The following ADD2 variants were observed in gnomAD, a reference collection of about 807,000 sequenced individuals.
ADD2 encodes the protein adducin 2, also known as beta-adducin.
Under a neutral mutation model 83.0 loss-of-function variants are expected in ADD2, and 23 were observed. The ratio of observed to expected loss-of-function variants is 0.28; its 90% CI spans 0.20 to 0.39. The LOEUF (loss-of-function observed/expected upper bound fraction) is 0.39, where lower values mean the gene tolerates loss of function less well. ADD2 is among the 10% of genes least tolerant of loss of function. ADD2 has a pLI of 1.00. For missense variants in ADD2, 758 were observed against 944.9 expected, an observed-to-expected ratio of 0.80 and a Z score of 2.59; for synonymous variants, 375 against 375.4, an observed-to-expected ratio of 1.00 and a Z score of 0.01.
At chr2:70,754,499 A>G (rs555134593) in intron 1 of ADD2, among the ~76,000 whole-genome samples, 7 of 152,012 alleles carry the variant, frequency 4.6e-5, no homozygotes, top group Non-Finnish European at 1.0e-4. Flanking sequence ...TTGGAAGCAC[A>G]GTCTTCCAAC....
At chr2:70,749,037 T>C (rs1674377161) in intron 1 of ADD2, among the ~76,000 whole-genome samples, 1 of 152,182 alleles carries the variant, frequency 6.6e-6, no homozygotes, top group Non-Finnish European at 1.5e-5. Flanking sequence ...TACCTGAGAC[T>C]GGGTAATTTA....
At chr2:70,741,973 G>A (rs1390280070) in intron 1 of ADD2, among the ~76,000 whole-genome samples, 1 of 150,594 alleles carries the variant, frequency 6.6e-6, no homozygotes, top group Admixed American at 6.6e-5. Flanking sequence ...AAATGAAGAT[G>A]TTGGACTGGA....
At chr2:70,735,858 CTTTTTTTTTT>C (rs374727628) in intron 1 of ADD2, among the ~76,000 whole-genome samples, 1 of 72,508 alleles carries the variant, frequency 1.4e-5, no homozygotes, top group Non-Finnish European at 2.2e-5. Flanking sequence ...CCATGCCCGG[CTTTTTTTTTT>C]TTTTTTTTTT....
chr2:70,706,292 C>T lies in ADD2; in HGVS notation c.117G>A (p.Ala39=), dbSNP rs141187526. The change falls in exon 3 of 16, where the codon GCG becomes GCA. Residue 39 remains alanine (A), a synonymous_variant. Coordinates refer to ENST00000264436, the MANE Select transcript of ADD2 (RefSeq NM_001617.4). This position sits in a 1 kb window ranked among gnomAD's most constrained non-coding sequence, Gnocchi z 5.0. ...PEYMRLRNRA[A]DLRQDFNLME... ...TCAGGTTGAAGTCCTGCCGCAGGTCCGCCGCCCGGTTGCGAAGGCGCATGT... is the reference window on the plus strand; with the variant it reads ...TCAGGTTGAAGTCCTGCCGCAGGTCTGCCGCCCGGTTGCGAAGGCGCATGT... 12 of 1,613,980 alleles carry T rather than the reference C, an allele frequency of 7.4e-6. No homozygotes were observed. In the African/African-American group the frequency reaches 1.2e-4, roughly 16 times the overall value.
intron 1 of ADD2, among the ~76,000 whole-genome samples, chr2:70,766,818 T>C (rs549378776): frequency 2.6e-5 from 4 of 152,310 alleles, no homozygotes; most frequent in South Asian, 2.1e-4. Context: ...TCTGAGTCAG[T>C]TGAATCTTAG....
At chr2:70,690,413 G>A (rs1036814648) in intron 8 of ADD2, among the ~76,000 whole-genome samples, 1 of 152,108 alleles carries the variant, frequency 6.6e-6, no homozygotes, top group Admixed American at 6.6e-5. Context: ...ACCTTTTAAT[G>A]TTCAACCACA....
intron 10 of ADD2, among the ~76,000 whole-genome samples, chr2:70,681,997 G>A (rs1670477858): frequency 6.6e-6 from 1 of 152,030 alleles, no homozygotes; most frequent in African/African-American, 2.4e-5. Flanking sequence ...TGAGATTACA[G>A]GTATGAGCCA....
rs782283246 is a variant in ADD2 at position 70,692,557 on chromosome 2, G to T, written c.556-5C>A. On this transcript the variant is annotated splice_polypyrimidine_tract_variant and splice_region_variant and intron_variant, in intron 6 of 15. Coordinates refer to ENST00000264436, the MANE Select transcript of ADD2 (RefSeq NM_001617.4). ...TCCCAGAATGTTCACCTTGATCTGC[G>T]CCAGGGAAGAAGAGAGACTTATGGC... 1 of 1,593,938 alleles carries T rather than the reference G, an allele frequency of 6.3e-7. No homozygotes were observed. The highest frequency in any genetic ancestry group is 1.1e-5 in the South Asian group (1 of 88,034).
chr2:70,745,243 G>A (rs1431950583), intron 1 of ADD2, among the ~76,000 whole-genome samples: 1 of 151,994 alleles, frequency 6.6e-6, no homozygotes, highest in Non-Finnish European at 1.5e-5. Flanking sequence ...CCGAGATCAT[G>A]CCACTGCACT....
chr2:70,720,334 G>A (rs1553377115), intron 1 of ADD2, among the ~76,000 whole-genome samples: 1 of 152,136 alleles, frequency 6.6e-6, no homozygotes, highest in East Asian at 1.9e-4. Context: ...AAGGGTGGGA[G>A]GTCTAAAGGC....
intron 15 of ADD2, among the ~76,000 whole-genome samples, chr2:70,667,640 G>T (rs1669700916): frequency 6.6e-6 from 1 of 152,092 alleles, no homozygotes; most frequent in African/African-American, 2.4e-5. Flanking sequence ...TTTGGTGGGG[G>T]GATGGAATTT....
intron 4 of ADD2, 40 bp downstream of exon 4, chr2:70,704,281 C>CCCCCCCCCCA: frequency 6.5e-7 from 1 of 1,546,780 alleles, no homozygotes; most frequent in Non-Finnish European, 8.8e-7. Flanking sequence ...CCACCCTCCC[C>CCCCCCCCCCA]TCCACCTCTG....
intron 14 of ADD2, 118 bp from the exon 15 acceptor site, chr2:70,673,124 A>G: frequency 6.5e-7 from 1 of 1,539,842 alleles, no homozygotes; most frequent in South Asian, 1.2e-5. Flanking sequence ...CTGGCTGATA[A>G]TGAGACTTCT....
Position 70,683,603 on chromosome 2 carries a change from C to A in ADD2, c.1113G>T (p.Met371Ile). ...GCAGGAGACTCACCAGGTTGTCCAGCATCCTCATGAGGGCCTCAAACTCAT... is the reference window on the plus strand; with the variant it reads ...GCAGGAGACTCACCAGGTTGTCCAGAATCCTCATGAGGGCCTCAAACTCAT... ...GEHEFEALMR[M>I]LDNLGYRTGY... is the part of the protein sequence containing the mutation. The change falls in exon 10 of 16, where the codon ATG (methionine) becomes ATT (isoleucine). Residue 371 changes from methionine (M) to isoleucine (I), a missense_variant. Met to Ile is a conservative substitution (Grantham distance 10). This residue lies in a region of ADD2 where 394 missense variants were observed against 509.3 expected (regional missense o/e 0.77). Coordinates refer to ENST00000264436, the MANE Select transcript of ADD2 (RefSeq NM_001617.4). 6 of 1,612,240 alleles carry A rather than the reference C, an allele frequency of 3.7e-6. No individual in the cohort carries two copies. The highest frequency in any genetic ancestry group is 5.1e-6 in the Non-Finnish European group (6 of 1,178,584).
At chr2:70,698,707 A>T (rs781867537) in intron 4 of ADD2, among the ~76,000 whole-genome samples, 5 of 152,200 alleles carry the variant, frequency 3.3e-5, no homozygotes, top group Non-Finnish European at 7.3e-5. Flanking sequence ...TTAGGTATCC[A>T]TTTTAAAAAG....
At chr2:70,704,275 C>CCCCCCCCCCCCCT in intron 4 of ADD2, 46 bp downstream of exon 4, 1 of 1,410,232 alleles carries the variant, frequency 7.1e-7, no homozygotes, top group Non-Finnish European at 9.6e-7. Context: ...CCCACCCCAC[C>CCCCCCCCCCCCCT]CTCCCCTCCA....
rs746499101 is a variant in ADD2 at position 70,706,494 on chromosome 2, T to C, written c.-34-52A>G. 259 of 1,473,764 alleles carry C rather than the reference T, an allele frequency of 1.8e-4. No individual in the cohort carries two copies. Among genetic ancestry groups the C allele is most frequent in the Non-Finnish European group, 2.2e-4 (246 of 1,097,512 alleles). The allele number at this position is 1,473,764 out of a possible 1,614,324, so 91.3% of individuals were successfully genotyped here. On this transcript the variant is annotated intron_variant, in intron 2 of 15. Coordinates refer to ENST00000264436, the MANE Select transcript of ADD2 (RefSeq NM_001617.4). The surrounding 1 kb of genome is among the most constrained non-coding windows in gnomAD (Gnocchi z 5.0). The stretch of plus-strand genomic sequence containing the variant: ...GTCAGGTTGGTGCTCCCCATCGGGG[T>C]ACACGTTTCTCAGAGCACAGGGCTA...
chr2:70,690,768 C>T lies in ADD2; in HGVS notation c.849+18G>A, dbSNP rs1368973792. On this transcript the variant is annotated intron_variant, in intron 8 of 15. Coordinates refer to ENST00000264436, the MANE Select transcript of ADD2 (RefSeq NM_001617.4). ...ACAATGCCACTCTAGATTATTGTCC[C>T]AGAAGAGCTAAGCTAACCTTGCAGG... 1 of 1,604,998 alleles carries T rather than the reference C, an allele frequency of 6.2e-7. No individual in the cohort carries two copies. Among genetic ancestry groups the T allele is most frequent in the Non-Finnish European group, 8.5e-7 (1 of 1,176,332 alleles).
chr2:70,756,351 G>C (rs1674790188), intron 1 of ADD2, among the ~76,000 whole-genome samples: 2 of 152,120 alleles, frequency 1.3e-5, no homozygotes, highest in Admixed American at 1.3e-4. Flanking sequence ...GGTGGTGTTG[G>C]TGCCCGCAGA....
Sources: gnomAD v4.1 joint callset for allele counts (sites outside exome capture counted in the v4.1 genomes callset) on GRCh38, gnomAD v4.1.1 for gene constraint, gnomAD v4.1.1 regional missense constraint, Gnocchi (gnomAD v3.1) non-coding constraint, MANE v1.5 for transcripts, NCBI Gene and HGNC (gene_info 2026-07-23, HGNC 2026-07-21) for gene names.